NNMT: variants seen among roughly 807,000 people sequenced by gnomAD.
The protein encoded by NNMT is nicotinamide N-methyltransferase.
A neutral mutation model predicts 11.7 loss-of-function variants in NNMT; 10 were observed. That is an observed-to-expected ratio of 0.85 (90% confidence interval 0.53 to 1.45). The LOEUF (loss-of-function observed/expected upper bound fraction) is 1.45. Ranked by LOEUF, NNMT falls within the 40% of genes most tolerant of loss-of-function variation. NNMT has a pLI of 0.00. For synonymous variants in NNMT, 143 were observed against 133.8 expected (o/e 1.07, Z -0.48); for missense variants, 381 against 319.4 (o/e 1.19, Z -1.47).
At chr11:114,283,455 T>C (rs1252031321) in intron 2 of NNMT, among the ~76,000 whole-genome samples, 1 of 152,140 alleles carries the variant, frequency 6.6e-6, no homozygotes, top group Non-Finnish European at 1.5e-5. Context: ...ACATAAAGAA[T>C]AGACATCAAA....
chr11:114,308,022 T>C (rs929691396), intron 2 of NNMT, among the ~76,000 whole-genome samples: 2 of 152,040 alleles, frequency 1.3e-5, no homozygotes, highest in Non-Finnish European at 2.9e-5. Context: ...ACAATCTCCA[T>C]GAGGTTAGAA....
rs1051461354 is a variant in NNMT, at chr11:114,275,978, T to C, written c.-130+13044T>C. Among the ~76,000 whole-genome samples the C allele has an allele frequency of 1.8e-4, 28 of 152,240 alleles. 1 individual carries two copies. The highest frequency in any genetic ancestry group is 6.7e-4 in the African/African-American group (28 of 41,542). The stretch of plus-strand genomic sequence containing the variant: ...TCCTTCTTTCCAGAGAGAAGTGGGC[T>C]GAAAAGGAGGAGTGTTTAAGGAAAG... On this transcript the variant is annotated intron_variant, in intron 2 of 4. Coordinates refer to the NNMT transcript ENST00000535401.
intron 2 of NNMT, among the ~76,000 whole-genome samples, chr11:114,308,185 T>C (rs1945510067): frequency 6.6e-6 from 1 of 152,180 alleles, no homozygotes; most frequent in Non-Finnish European, 1.5e-5. Flanking sequence ...GATTCGGGTG[T>C]GGGGTGTGGT....
chr11:114,261,346 C>G (rs1291114917), intron 1 of NNMT, among the ~76,000 whole-genome samples: 1 of 152,134 alleles, frequency 6.6e-6, no homozygotes, highest in Non-Finnish European at 1.5e-5. Flanking sequence ...CTTTGGGAGG[C>G]CGAGGCGGGT....
At chr11:114,267,054 C>T (rs1038022634) in intron 2 of NNMT, among the ~76,000 whole-genome samples, 2 of 152,166 alleles carry the variant, frequency 1.3e-5, no homozygotes, top group Non-Finnish European at 2.9e-5. Flanking sequence ...CATCTGAGGT[C>T]AGGAGTTCGA....
intron 2 of NNMT, among the ~76,000 whole-genome samples, chr11:114,306,546 C>T (rs1331554206): frequency 1.3e-5 from 2 of 152,138 alleles, no homozygotes; most frequent in African/African-American, 4.8e-5. Flanking sequence ...GGAAGGGATC[C>T]AGTTTCAACT....
At chr11:114,284,504 T>C (rs12278903) in intron 2 of NNMT, among the ~76,000 whole-genome samples, 15,059 of 152,154 alleles carry the variant, frequency 0.099, 1,442 homozygotes, top group African/African-American at 0.24. Context: ...TGGAGTCTTG[T>C]CCAGGCTGGA....
chr11:114,283,560 T>TACAG (rs1945277002), intron 2 of NNMT, among the ~76,000 whole-genome samples: 1 of 152,218 alleles, frequency 6.6e-6, no homozygotes, highest in Non-Finnish European at 1.5e-5. Context: ...CCTTCCACTG[T>TACAG]ACAGATTCTC....
chr11:114,310,402 G>A (rs976114172), intron 2 of NNMT, among the ~76,000 whole-genome samples: 4 of 152,188 alleles, frequency 2.6e-5, no homozygotes, highest in African/African-American at 4.8e-5. Context: ...CTCCTTAAAT[G>A]GAAAATTATA....
chr11:114,271,447 A>C (rs1945169507), intron 2 of NNMT, among the ~76,000 whole-genome samples: 1 of 152,218 alleles, frequency 6.6e-6, no homozygotes, highest in Non-Finnish European at 1.5e-5. Flanking sequence ...TATTTGAATG[A>C]GGACTTGAAG....
chr11:114,276,011 A>C (rs561889313), intron 2 of NNMT, among the ~76,000 whole-genome samples: 4 of 152,248 alleles, frequency 2.6e-5, no homozygotes, highest in African/African-American at 9.6e-5. Context: ...AAGCGACTCA[A>C]ATGTGCTTAC....
chr11:114,268,673 G>T (rs1227342105), intron 2 of NNMT, among the ~76,000 whole-genome samples: 1 of 151,124 alleles, frequency 6.6e-6, no homozygotes, highest in Non-Finnish European at 1.5e-5. Flanking sequence ...GGAGGCTGAG[G>T]CAGGAGAATG....
chr11:114,296,715 G>A lies in NNMT; in HGVS notation c.154+5G>A, dbSNP rs766585655. On this transcript the variant is annotated splice_donor_5th_base_variant and intron_variant, in intron 1 of 2. Coordinates refer to ENST00000299964, the MANE Select transcript of NNMT (RefSeq NM_006169.3). ...TTTTCAAGATATTCTGCCTAGGTAA[G>A]TCTGTTGTCTGCATGTCTCCCCACT... The A allele has an allele frequency of 1.9e-6, 3 of 1,614,018 alleles. No individual in the cohort carries two copies. In the Admixed American group the frequency reaches 5.0e-5, roughly 27 times the overall value.
upstream of NNMT, among the ~76,000 whole-genome samples, chr11:114,295,213 A>AC (rs1345302865): frequency 6.6e-6 from 1 of 152,144 alleles, no homozygotes; most frequent in African/African-American, 2.4e-5. Flanking sequence ...AAGGTGGGAC[A>AC]CCCGGCAACA....
At chr11:114,286,046 T>C (rs186022174) in intron 2 of NNMT, among the ~76,000 whole-genome samples, 124 of 152,346 alleles carry the variant, frequency 8.1e-4, no homozygotes, top group Middle Eastern at 3.4e-3. Context: ...GTTTCTGTAA[T>C]GTTCTCCTCC....
chr11:114,296,165 C>T, upstream of NNMT: 1 of 161,598 alleles, frequency 6.2e-6, no homozygotes, highest in Non-Finnish European at 1.3e-5. Context: ...TAGGGGATGT[C>T]CTGTCTCTCT....
chr11:114,261,183 CT>C (rs1409052943), intron 1 of NNMT, among the ~76,000 whole-genome samples: 2 of 152,174 alleles, frequency 1.3e-5, no homozygotes, highest in African/African-American at 4.8e-5. Flanking sequence ...AGTGAGGCTG[CT>C]GCCGGCATCT....
Position 114,312,272 on chromosome 11 carries a change from A to G in NNMT, c.590A>G (p.Asp197Gly). The G allele has an allele frequency of 6.2e-7, 1 of 1,614,232 alleles. No individual in the cohort carries two copies. The stretch of plus-strand genomic sequence containing the variant: ...CCAGGGGGCTTCCTGGTGATCATGG[A>G]TGCGCTCAAGAGCAGCTACTACATG... The part of the protein sequence containing the change: ...LKPGGFLVIM[D>G]ALKSSYYMIG... Residue 197 changes from aspartate (D) to glycine (G), a missense_variant, in exon 3 of 3, where the codon GAT (aspartate) becomes GGT (glycine). Transcript: ENST00000299964.
rs34012236 is a variant in NNMT at position 114,268,768 on chromosome 11, C to CAAAAAAA, written c.-130+5851_-130+5857dup. Among the ~76,000 whole-genome samples, 443 of 69,578 alleles carry CAAAAAAA rather than the reference C, an allele frequency of 6.4e-3. 11 individuals carry two copies. Among genetic ancestry groups the CAAAAAAA allele is most frequent in the African/African-American group, 0.02 (398 of 19,476 alleles). 45.6% of individuals were successfully genotyped at this position (69,578 alleles called of 152,430 possible). On this transcript the variant is annotated intron_variant, in intron 2 of 4. Coordinates refer to the NNMT transcript ENST00000535401. Reference sequence around the variant, plus strand: ...TGGACGATGGAGCGAGACTCCGTCTCAAAAAAAAAAAAAAAAAAAAAAACT... The same window carrying CAAAAAAA: ...TGGACGATGGAGCGAGACTCCGTCTCAAAAAAAAAAAAAAAAAAAAAAAAAAAAAACT...
Sources: allele counts gnomAD v4.1 joint callset (sites outside exome capture counted in the v4.1 genomes callset), GRCh38; gene constraint gnomAD v4.1.1; transcripts MANE v1.5; gene names NCBI Gene and HGNC (gene_info 2026-07-23, HGNC 2026-07-21).